INTS10: variants seen among roughly 807,000 people sequenced by gnomAD.
The protein encoded by INTS10 is integrator complex subunit 10.
INTS10 carries 44 observed loss-of-function variants against 94.4 expected under a neutral mutation model. The observed-to-expected ratio is 0.47, with a 90% CI of 0.37 to 0.60. INTS10 has a LOEUF of 0.60. Ranked by LOEUF, INTS10 falls within the 20% of genes least tolerant of loss-of-function variation. The probability of loss-of-function intolerance (pLI) is 0.00; values close to 1 mark genes in which losing one functional copy is unlikely to be tolerated. For missense variants in INTS10, 797 were observed against 868.7 expected, an observed-to-expected ratio of 0.92 and a Z score of 1.04; for synonymous variants, 341 against 320.7, an observed-to-expected ratio of 1.06 and a Z score of -0.68.
chr8:19,824,266 C>A (rs766697037), intron 7 of INTS10: 4 of 363,958 alleles, frequency 1.1e-5, no homozygotes, highest in African/African-American at 8.5e-5. Flanking sequence ...CTGAGGTGGG[C>A]AGATCACTTG....
intron 10 of INTS10, among the ~76,000 whole-genome samples, 168 bp from the exon 11 acceptor site, chr8:19,831,860 A>G (rs2067252780): frequency 6.6e-6 from 1 of 151,868 alleles, no homozygotes; most frequent in African/African-American, 2.4e-5. Flanking sequence ...TAAGTGTTGT[A>G]TGTTTCTTCT....
chr8:19,844,156 C>G lies in INTS10; in HGVS notation c.1800C>G (p.Gly600=). ...IVLLQQEWPR[G]ENLFLKAVNK... The stretch of plus-strand genomic sequence containing the variant: ...TGCTTCAGCAAGAGTGGCCACGGGG[C>G]GAGAATCTTTTCCTGAAAGCTGTCA... The change falls in exon 15 of 17, where the codon GGC becomes GGG. Residue 600 remains glycine (G), a synonymous_variant. Coordinates refer to ENST00000397977, the MANE Select transcript of INTS10 (RefSeq NM_018142.4). The G allele has an allele frequency of 1.2e-6, 2 of 1,613,540 alleles. No individual in the cohort carries two copies. Among genetic ancestry groups the G allele is most frequent in the South Asian group, 2.2e-5 (2 of 91,058 alleles).
intron 3 of INTS10, 142 bp downstream of exon 3, chr8:19,819,818 C>G (rs2066227409): frequency 1.6e-6 from 1 of 611,036 alleles, no homozygotes; most frequent in Admixed American, 2.9e-5. Context: ...AATAATGTCA[C>G]TCGGTTCCTT....
At chr8:19,833,073 C>T in intron 11 of INTS10, 96 bp from the exon 12 acceptor site, 1 of 1,064,290 alleles carries the variant, frequency 9.4e-7, no homozygotes, top group Non-Finnish European at 1.3e-6. Context: ...TGTATAGTTG[C>T]TTGCTCGTTG....
At chr8:19,844,052 C>A (rs1441583825) in intron 14 of INTS10, 24 bp from the exon 15 acceptor site, 17 of 1,555,926 alleles carry the variant, frequency 1.1e-5, no homozygotes, top group Non-Finnish European at 1.5e-5. Context: ...TTCCTTCTGT[C>A]TTGTATAAAT....
At chr8:19,821,811 C>T (rs1236838993) in intron 4 of INTS10, 1 of 152,260 alleles carries the variant, frequency 6.6e-6, no homozygotes, top group East Asian at 1.9e-4. Flanking sequence ...TCTGACCTTT[C>T]ACCTTCTGTG....
At chr8:19,831,122 C>T (rs1047084785) in intron 10 of INTS10, among the ~76,000 whole-genome samples, 1 of 152,172 alleles carries the variant, frequency 6.6e-6, no homozygotes, top group African/African-American at 2.4e-5. Flanking sequence ...TCTTACTACA[C>T]TTTGGAATCG....
At position 19,822,042 on chromosome 8, in the gene INTS10, G is replaced by C. The variant is rs1362057515; in HGVS notation, c.442-397G>C. ...ACTTATCTTGAACGTGATACGTTTT[G>C]TCTATATTGATACATCTTCATGTAG... On this transcript the variant is annotated intron_variant, in intron 4 of 16. Transcript: ENST00000397977. 1.9e-5 allele frequency: 3 copies of C among 161,752 alleles called. No homozygotes were observed. The Admixed American group carries it at 1.9e-4, about 10-fold the overall frequency. The allele number at this position is 161,752 out of a possible 1,614,324, so 10.0% of individuals were successfully genotyped here.
chr8:19,829,402 G>A (rs924354749), intron 9 of INTS10, among the ~76,000 whole-genome samples: 10 of 151,562 alleles, frequency 6.6e-5, no homozygotes, highest in Non-Finnish European at 1.2e-4. Flanking sequence ...TCTACCCAGC[G>A]GTATTTCCAA....
chr8:19,850,362 C>T (rs1046636590), intron 16 of INTS10, among the ~76,000 whole-genome samples: 12 of 152,230 alleles, frequency 7.9e-5, no homozygotes, highest in African/African-American at 1.9e-4. Context: ...CCAGATTTGA[C>T]GAGAGATAGT....
intron 9 of INTS10, among the ~76,000 whole-genome samples, chr8:19,826,845 G>T (rs1239949401): frequency 6.6e-6 from 1 of 152,150 alleles, no homozygotes; most frequent in Non-Finnish European, 1.5e-5. Context: ...GGTCAGTGAT[G>T]AGGTGGAGAA....
chr8:19,836,019 G>T (rs2067632261), intron 12 of INTS10, among the ~76,000 whole-genome samples: 1 of 152,236 alleles, frequency 6.6e-6, no homozygotes, highest in African/African-American at 2.4e-5. Context: ...AGGAGAGGGA[G>T]AGCATTAGGA....
chr8:19,825,572 G>A (rs2066730087), intron 8 of INTS10, among the ~76,000 whole-genome samples: 5 of 151,192 alleles, frequency 3.3e-5, no homozygotes, highest in Admixed American at 2.6e-4. Context: ...TATTTAAGTA[G>A]ATTTCATGAA....
chr8:19,822,397 A>G (rs2066448765), intron 4 of INTS10, 42 bp from the exon 5 acceptor site: 1 of 1,206,826 alleles, frequency 8.3e-7, no homozygotes, highest in Admixed American at 1.8e-5. Context: ...CTGACAACTT[A>G]TGCTGTAACA....
At chr8:19,831,981 T>G (rs558031322) in intron 10 of INTS10, 47 bp from the exon 11 acceptor site, 1 of 1,082,202 alleles carries the variant, frequency 9.2e-7, no homozygotes, top group African/African-American at 1.5e-5. Context: ...GTTTTCTGCT[T>G]CTTTGCTGCA....
chr8:19,818,364 A>G (rs1239106995), intron 2 of INTS10, 22 bp downstream of exon 2: 2 of 1,610,306 alleles, frequency 1.2e-6, no homozygotes, highest in Non-Finnish European at 8.5e-7. Context: ...GCTTGACATC[A>G]CTTTTACTGC....
chr8:19,844,414 A>AAGAC (rs1302825934), intron 15 of INTS10, among the ~76,000 whole-genome samples, 176 bp downstream of exon 15: 1 of 152,204 alleles, frequency 6.6e-6, no homozygotes, highest in Non-Finnish European at 1.5e-5. Context: ...AAAGTCGTGA[A>AAGAC]AGACATGATT....
At chr8:19,820,738 C>G (rs982030997) in intron 4 of INTS10, among the ~76,000 whole-genome samples, 1 of 152,182 alleles carries the variant, frequency 6.6e-6, no homozygotes. Flanking sequence ...AATCACCAAG[C>G]TCTGACAGTA....
At chr8:19,822,738 T>G (rs2066479697) in intron 5 of INTS10, among the ~76,000 whole-genome samples, 1 of 151,808 alleles carries the variant, frequency 6.6e-6, no homozygotes, top group Non-Finnish European at 1.5e-5. Flanking sequence ...GATCACGAGG[T>G]CAAGAGATCG....
Sources: gnomAD v4.1 joint callset for allele counts (sites outside exome capture counted in the v4.1 genomes callset) on GRCh38, gnomAD v4.1.1 for gene constraint, MANE v1.5 for transcripts, NCBI Gene and HGNC (gene_info 2026-07-23, HGNC 2026-07-21) for gene names.